The following PTPRD variants were observed in gnomAD, a reference collection of about 807,000 sequenced individuals.
The protein encoded by PTPRD is receptor-type tyrosine-protein phosphatase delta.
PTPRD carries 34 observed loss-of-function variants against 214.5 expected under a neutral mutation model. The ratio of observed to expected loss-of-function variants is 0.16; its 90% confidence interval spans 0.12 to 0.21. The LOEUF is 0.21. Ranked by LOEUF, PTPRD falls within the 10% of genes least tolerant of loss-of-function variation. The probability of loss-of-function intolerance (pLI) is 1.00; values close to 1 mark genes in which losing one functional copy is unlikely to be tolerated. For missense variants in PTPRD, 2,545 were observed against 2,398.7 expected, an observed-to-expected ratio of 1.06 and a Z score of -1.27; for synonymous variants, 1,128 against 845.7, an observed-to-expected ratio of 1.33 and a Z score of -5.79.
chr9:9,354,724 G>A (rs532183664), intron 9 of PTPRD, among the ~76,000 whole-genome samples: 1 of 151,832 alleles, frequency 6.6e-6, no homozygotes, highest in African/African-American at 2.4e-5. Flanking sequence ...AGGATTTGAA[G>A]TATCAGCAAG....
At chr9:10,053,106 T>C (rs891931298) in intron 3 of PTPRD, among the ~76,000 whole-genome samples, 3 of 152,192 alleles carry the variant, frequency 2.0e-5, no homozygotes, top group Admixed American at 2.0e-4. Flanking sequence ...GCCCTTGAGA[T>C]GCTGATGTAA....
At chr9:10,035,827 A>G (rs1354009010) in intron 3 of PTPRD, among the ~76,000 whole-genome samples, 1 of 152,122 alleles carries the variant, frequency 6.6e-6, no homozygotes, top group Non-Finnish European at 1.5e-5. Context: ...CTTCATTAAA[A>G]AAAAAAATAG....
At chr9:9,082,503 G>C (rs1569533963) in intron 10 of PTPRD, among the ~76,000 whole-genome samples, 1 of 151,758 alleles carries the variant, frequency 6.6e-6, no homozygotes, top group Non-Finnish European at 1.5e-5. Context: ...AGACAAGGGT[G>C]CCCTCTCTCA....
At chr9:9,547,302 G>C (rs887668089) in intron 8 of PTPRD, among the ~76,000 whole-genome samples, 2 of 152,042 alleles carry the variant, frequency 1.3e-5, no homozygotes, top group African/African-American at 2.4e-5. Flanking sequence ...GCTTACTACA[G>C]TGTGCATATT....
intron 10 of PTPRD, among the ~76,000 whole-genome samples, chr9:9,179,152 A>T (rs550006715): frequency 2.0e-5 from 3 of 152,274 alleles, no homozygotes; most frequent in African/African-American, 7.2e-5. Flanking sequence ...TAATTGTTGA[A>T]ACTCAAAGAT....
In PTPRD at chr9:10,610,130, C is replaced by T. The variant is rs530980566; in HGVS notation, c.-600+2268G>A. 2.6e-5 allele frequency among the ~76,000 whole-genome samples: 4 copies of T among 152,228 alleles called. No homozygotes were observed. The South Asian group carries it at 8.3e-4, about 32-fold the overall frequency. On this transcript the variant is annotated intron_variant, in intron 2 of 45. Coordinates refer to ENST00000381196, the MANE Select transcript of PTPRD (RefSeq NM_002839.4). ...TTTCTTCTCAACTTTAAAGTTGCAA[C>T]TACCTCTGTACAGGACAGAGAGCTG...
At chr9:8,558,493 G>C (rs1266112590) in intron 14 of PTPRD, among the ~76,000 whole-genome samples, 1 of 152,140 alleles carries the variant, frequency 6.6e-6, no homozygotes, top group African/African-American at 2.4e-5. Flanking sequence ...ACCTCCCAGA[G>C]AGCTGAAATA....
chr9:8,616,839 T>C (rs1347843158), intron 14 of PTPRD, among the ~76,000 whole-genome samples: 1 of 152,176 alleles, frequency 6.6e-6, no homozygotes, highest in East Asian at 1.9e-4. Flanking sequence ...ATAATTTAAC[T>C]ATGCTATTAA....
rs879847871 is a variant in PTPRD, at chr9:9,119,363, TGAGGG to T, written c.-143+63936_-143+63940del. ...CAGAAATCTGATTTAGCAAAAATGG[TGAGGG>T]TGAGGAGATAACTCTTTGGGTTGTG... On this transcript the variant is annotated intron_variant, in intron 10 of 45. Transcript: ENST00000381196. 8.6e-3 allele frequency among the ~76,000 whole-genome samples: 1,226 copies of T among 142,948 alleles called. 17 individuals carry two copies. The highest frequency in any genetic ancestry group is 0.032 in the African/African-American group (1,166 of 36,284). The allele number at this position is 142,948 out of a possible 152,430, so 93.8% of individuals were successfully genotyped here.
intron 11 of PTPRD, among the ~76,000 whole-genome samples, chr9:8,981,824 A>G (rs2099314237): frequency 1.3e-5 from 2 of 152,086 alleles, no homozygotes; most frequent in African/African-American, 2.4e-5. Flanking sequence ...ATTTTCTACA[A>G]ATTTGGAAAA....
At chr9:9,809,758 G>A (rs2153537261) in intron 5 of PTPRD, among the ~76,000 whole-genome samples, 1 of 152,284 alleles carries the variant, frequency 6.6e-6, no homozygotes, top group African/African-American at 2.4e-5. Context: ...TTCAGAATGT[G>A]TCTGACCAAG....
At chr9:10,482,089 T>C (rs894719081) in intron 2 of PTPRD, among the ~76,000 whole-genome samples, 3 of 152,102 alleles carry the variant, frequency 2.0e-5, no homozygotes, top group South Asian at 2.1e-4. Flanking sequence ...AAACAAATGT[T>C]GGCCGGGCGC....
chr9:9,496,445 A>C (rs979412416), intron 8 of PTPRD, among the ~76,000 whole-genome samples: 1 of 152,196 alleles, frequency 6.6e-6, no homozygotes, highest in African/African-American at 2.4e-5. Flanking sequence ...TAGGATACAC[A>C]AATGTCCAAT....
chr9:9,931,213 T>C (rs914520789), intron 5 of PTPRD, among the ~76,000 whole-genome samples: 2 of 152,090 alleles, frequency 1.3e-5, no homozygotes, highest in African/African-American at 4.8e-5. Flanking sequence ...TAAAAATTAC[T>C]GGGGAGGAGC....
intron 8 of PTPRD, among the ~76,000 whole-genome samples, chr9:9,404,813 G>A (rs10759063): frequency 0.24 from 36,403 of 151,896 alleles, 4,657 homozygotes; most frequent in Non-Finnish European, 0.3. Context: ...GCCCCGAGAA[G>A]TCCTGATATT....
chr9:10,048,823 T>C (rs1163337543), intron 3 of PTPRD, among the ~76,000 whole-genome samples: 1 of 152,020 alleles, frequency 6.6e-6, no homozygotes, highest in Non-Finnish European at 1.5e-5. Flanking sequence ...TGCTAACAAT[T>C]CATAGTAACT....
At chr9:8,473,914 TG>T (rs1266260846) in intron 30 of PTPRD, among the ~76,000 whole-genome samples, 3 of 152,348 alleles carry the variant, frequency 2.0e-5, no homozygotes, top group East Asian at 1.9e-4. Context: ...AGTGGCAATT[TG>T]AAATTCTGTA....
intron 9 of PTPRD, among the ~76,000 whole-genome samples, chr9:9,354,903 T>C (rs1164829827): frequency 6.6e-6 from 1 of 151,640 alleles, no homozygotes; most frequent in African/African-American, 2.4e-5. Context: ...CTAAGGATAG[T>C]CCATGCCTGG....
chr9:10,461,381 T>C (rs2098957325), intron 2 of PTPRD, among the ~76,000 whole-genome samples: 1 of 151,908 alleles, frequency 6.6e-6, no homozygotes, highest in Non-Finnish European at 1.5e-5. Flanking sequence ...CATAAAGATA[T>C]CTGCAATCCT....
Sources: gnomAD v4.1 joint callset for allele counts (sites outside exome capture counted in the v4.1 genomes callset) on GRCh38, gnomAD v4.1.1 for gene constraint, MANE v1.5 for transcripts, NCBI Gene and HGNC (gene_info 2026-07-23, HGNC 2026-07-21) for gene names.